The following PDIA5 variants were observed in gnomAD, a reference collection of about 807,000 sequenced individuals.
PDIA5 encodes protein disulfide-isomerase A5.
A neutral mutation model predicts 77.6 loss-of-function variants in PDIA5; 58 were observed. That is an observed-to-expected ratio of 0.75 (90% confidence interval 0.61 to 0.93). The LOEUF (loss-of-function observed/expected upper bound fraction) is 0.93. Among genes scored for constraint, PDIA5 ranks in the 40% least tolerant of loss-of-function variants. The probability of loss-of-function intolerance (pLI) is 0.00; values close to 1 mark genes in which losing one functional copy is unlikely to be tolerated. For synonymous variants in PDIA5, 250 were observed against 252.1 expected, an observed-to-expected ratio of 0.99 and a Z score of 0.08; for missense variants, 630 against 647.7, an observed-to-expected ratio of 0.97 and a Z score of 0.30.
chr3:123,094,789 C>T (rs1934390745), intron 3 of PDIA5, among the ~76,000 whole-genome samples: 1 of 152,234 alleles, frequency 6.6e-6, no homozygotes, highest in Admixed American at 6.5e-5. Flanking sequence ...TTGCCTCCCT[C>T]AAATGGGCCC....
chr3:123,106,662 G>T (rs1934740206), intron 5 of PDIA5, 87 bp from the exon 6 acceptor site: 2 of 915,152 alleles, frequency 2.2e-6, no homozygotes, highest in East Asian at 5.0e-5. Context: ...AGGTCTCCAG[G>T]CAGGGAAAGA....
chr3:123,081,300 A>T (rs1227617354), intron 1 of PDIA5, among the ~76,000 whole-genome samples: 4 of 152,218 alleles, frequency 2.6e-5, no homozygotes, highest in African/African-American at 9.7e-5. Flanking sequence ...ACAGACTTGG[A>T]GAAGGAGAGA....
At chr3:123,147,745 G>C (rs1037972958) in intron 13 of PDIA5, among the ~76,000 whole-genome samples, 2 of 152,216 alleles carry the variant, frequency 1.3e-5, no homozygotes, top group Admixed American at 6.5e-5. Context: ...GGCACAAGGT[G>C]CTTGCTTACC....
At chr3:123,161,647 A>G in intron 16 of PDIA5, 192 bp downstream of exon 16, 1 of 671,094 alleles carries the variant, frequency 1.5e-6, no homozygotes, top group Non-Finnish European at 2.5e-6. Context: ...AGGGGTTGCC[A>G]CAGATGTCCT....
chr3:123,072,459 G>A (rs994185426), intron 1 of PDIA5, among the ~76,000 whole-genome samples: 1 of 152,184 alleles, frequency 6.6e-6, no homozygotes, highest in African/African-American at 2.4e-5. Flanking sequence ...AGAGGAGGAG[G>A]TGGGCAAGGA....
intron 11 of PDIA5, among the ~76,000 whole-genome samples, chr3:123,138,735 C>A (rs2107974217): frequency 6.6e-6 from 1 of 152,266 alleles, no homozygotes; most frequent in Middle Eastern, 3.4e-3. Context: ...TAAAAGAGCT[C>A]TGAGGTCTCT....
At chr3:123,085,682 C>G (rs1934121101) in intron 1 of PDIA5, among the ~76,000 whole-genome samples, 1 of 152,182 alleles carries the variant, frequency 6.6e-6, no homozygotes, top group Admixed American at 6.5e-5. Context: ...GCTCACCCTC[C>G]CTCCTGCCTT....
intron 8 of PDIA5, among the ~76,000 whole-genome samples, chr3:123,120,243 G>A (rs836847): frequency 0.18 from 27,065 of 152,192 alleles, 2,485 homozygotes; most frequent in Middle Eastern, 0.24. Flanking sequence ...CGACAGATTT[G>A]TACAGACCAG....
intron 8 of PDIA5, among the ~76,000 whole-genome samples, chr3:123,120,852 AC>A (rs1463105853): frequency 6.7e-6 from 1 of 150,366 alleles, no homozygotes; most frequent in East Asian, 2.0e-4. Context: ...TTCCTCATGC[AC>A]CCTTCATCCT....
chr3:123,103,008 G>C (rs1302863678), intron 5 of PDIA5, among the ~76,000 whole-genome samples: 1 of 152,240 alleles, frequency 6.6e-6, no homozygotes, highest in Non-Finnish European at 1.5e-5. Flanking sequence ...TTTGGAAATA[G>C]GTTTGTGAAT....
At chr3:123,154,563 G>C (rs1935977336) in intron 14 of PDIA5, among the ~76,000 whole-genome samples, 1 of 152,128 alleles carries the variant, frequency 6.6e-6, no homozygotes, top group Non-Finnish European at 1.5e-5. Flanking sequence ...TCTCAGTCAG[G>C]AAATGGAGAG....
chr3:123,116,106 T>C, intron 7 of PDIA5, 125 bp from the exon 8 acceptor site: 1 of 792,228 alleles, frequency 1.3e-6, no homozygotes, highest in Non-Finnish European at 2.2e-6. Flanking sequence ...TCTGGAATAG[T>C]CCTGAGCTTC....
At chr3:123,124,764 G>A (rs1935202435) in intron 10 of PDIA5, among the ~76,000 whole-genome samples, 1 of 152,120 alleles carries the variant, frequency 6.6e-6, no homozygotes, top group African/African-American at 2.4e-5. Context: ...TCTCACCCAG[G>A]CTACCAGGTT....
intron 1 of PDIA5, among the ~76,000 whole-genome samples, chr3:123,071,486 A>C (rs553951123): frequency 1.1e-4 from 17 of 152,312 alleles, no homozygotes; most frequent in Non-Finnish European, 1.6e-4. Context: ...TGGGACGATT[A>C]TATATTTAAT....
intron 10 of PDIA5, among the ~76,000 whole-genome samples, chr3:123,125,170 C>A (rs1409384679): frequency 6.6e-6 from 1 of 152,220 alleles, no homozygotes. Flanking sequence ...CCTACTCAGG[C>A]TGCGCTCTGT....
chr3:123,107,878 T>C (rs904750425), intron 6 of PDIA5, among the ~76,000 whole-genome samples: 3 of 152,064 alleles, frequency 2.0e-5, no homozygotes, highest in African/African-American at 7.2e-5. Flanking sequence ...CATAGCTCAC[T>C]GTAACCTTGA....
At chr3:123,073,758 T>C (rs1933783925) in intron 1 of PDIA5, among the ~76,000 whole-genome samples, 2 of 152,196 alleles carry the variant, frequency 1.3e-5, no homozygotes, top group Admixed American at 1.3e-4. Context: ...TCACTAGAGT[T>C]GCGGGGGCGC....
chr3:123,075,353 G>A (rs1313830170), intron 1 of PDIA5, among the ~76,000 whole-genome samples: 1 of 152,176 alleles, frequency 6.6e-6, no homozygotes, highest in East Asian at 1.9e-4. Context: ...AGGGTAGGAA[G>A]AGAGGGTAGA....
chr3:123,071,481 C>T (rs751874693), intron 1 of PDIA5, among the ~76,000 whole-genome samples: 8 of 152,046 alleles, frequency 5.3e-5, no homozygotes, highest in Non-Finnish European at 1.0e-4. Flanking sequence ...TTCTCTGGGA[C>T]GATTATATAT....
Sources: gnomAD v4.1 joint callset for allele counts (sites outside exome capture counted in the v4.1 genomes callset) on GRCh38, gnomAD v4.1.1 for gene constraint, MANE v1.5 for transcripts, NCBI Gene and HGNC (gene_info 2026-07-23, HGNC 2026-07-21) for gene names.